The following CNTN5 variants were observed in gnomAD, a reference collection of about 807,000 sequenced individuals.
CNTN5 encodes contactin-5.
In CNTN5, 77 loss-of-function variants were observed where a neutral mutation model predicts 129.1. The observed-to-expected ratio is 0.60, with a 90% CI of 0.50 to 0.72. The LOEUF is 0.72. Among genes scored for constraint, CNTN5 ranks in the 30% least tolerant of loss-of-function variants. The probability of loss-of-function intolerance (pLI) is 0.00; values close to 1 mark genes in which losing one functional copy is unlikely to be tolerated. For synonymous variants in CNTN5, 509 were observed against 465.6 expected, an observed-to-expected ratio of 1.09 and a Z score of -1.20; for missense variants, 1,478 against 1,328.8, an observed-to-expected ratio of 1.11 and a Z score of -1.75.
intron 13 of CNTN5, among the ~76,000 whole-genome samples, chr11:100,188,619 A>G (rs1948377030): frequency 6.6e-6 from 1 of 152,180 alleles, no homozygotes; most frequent in Non-Finnish European, 1.5e-5. Context: ...GAGAAGAGGG[A>G]ATGTTTACAT....
intron 1 of CNTN5, among the ~76,000 whole-genome samples, chr11:99,085,599 C>T (rs77629554): frequency 0.046 from 6,943 of 152,052 alleles, 190 homozygotes; most frequent in South Asian, 0.07. Context: ...TCCAAAGACA[C>T]ATTAGCTTAA....
chr11:99,921,412 G>A (rs1411928434), intron 7 of CNTN5, among the ~76,000 whole-genome samples: 1 of 152,026 alleles, frequency 6.6e-6, no homozygotes, highest in Non-Finnish European at 1.5e-5. Context: ...GTATATCCCA[G>A]GTATATGAAT....
At chr11:99,807,924 A>G (rs1946321079) in intron 3 of CNTN5, among the ~76,000 whole-genome samples, 1 of 152,026 alleles carries the variant, frequency 6.6e-6, no homozygotes, top group Admixed American at 6.6e-5. Context: ...AATTCAGAGG[A>G]CTCTTCAGGT....
intron 13 of CNTN5, among the ~76,000 whole-genome samples, chr11:100,090,505 C>CCCTCCCTCCCTCCCTCCCTCCCTCCCTG (rs1555004301): frequency 2.7e-5 from 1 of 37,530 alleles, no homozygotes; most frequent in African/African-American, 1.4e-4. Flanking sequence ...CTCCTTTCCT[C>CCCTCCCTCCCTCCCTCCCTCCCTCCCTG]CCTCCCTCCC....
At chr11:99,439,722 A>AAG (rs1255958608) in intron 2 of CNTN5, among the ~76,000 whole-genome samples, 8 of 101,532 alleles carry the variant, frequency 7.9e-5, no homozygotes, top group East Asian at 2.9e-4. Flanking sequence ...AAAAAAAAAA[A>AAG]AAAGAAAAAG....
chr11:100,142,658 G>T (rs186165865), intron 13 of CNTN5, among the ~76,000 whole-genome samples: 1 of 152,072 alleles, frequency 6.6e-6, no homozygotes, highest in Non-Finnish European at 1.5e-5. Flanking sequence ...GGCATTTTTT[G>T]CTGTTGCTGT....
chr11:99,357,914 G>A (rs1938795882), intron 2 of CNTN5, among the ~76,000 whole-genome samples: 1 of 151,098 alleles, frequency 6.6e-6, no homozygotes, highest in African/African-American at 2.4e-5. Flanking sequence ...CGAGGCAGGA[G>A]AACTGCATGA....
Position 100,041,377 on chromosome 11 carries a change from A to C in CNTN5, c.981-19835A>C, listed in dbSNP as rs578180711. 5.3e-5 allele frequency among the ~76,000 whole-genome samples: 8 copies of C among 151,802 alleles called. No individual in the cohort carries two copies. The South Asian group carries it at 1.7e-3, about 32-fold the overall frequency. On this transcript the variant is annotated intron_variant, in intron 9 of 24. Coordinates refer to ENST00000524871, the MANE Select transcript of CNTN5 (RefSeq NM_014361.4). ...TCATTCTATGAATTCCACCTCTATC[A>C]CTCTCCCCATTGTCAACTCCAGGTC...
intron 2 of CNTN5, among the ~76,000 whole-genome samples, chr11:99,518,510 T>C (rs976376469): frequency 6.6e-6 from 1 of 152,090 alleles, no homozygotes; most frequent in Admixed American, 6.6e-5. Flanking sequence ...TGCATATCAC[T>C]GCAGTCACAA....
rs767708616 is a variant in CNTN5 at position 99,974,320 on chromosome 11, G to GA, written c.877+17311_877+17312insA. ...TTATTGCTCAGTTAACATCAGTTAA[G>GA]GGACAGGCACAAGGTCATAGTTGGT... is the stretch of plus-strand genomic sequence containing the variant. On this transcript the variant is annotated intron_variant, in intron 8 of 24. Coordinates refer to ENST00000524871, the MANE Select transcript of CNTN5 (RefSeq NM_014361.4). Among the ~76,000 whole-genome samples the GA allele has an allele frequency of 1.5e-3, 235 of 152,260 alleles. 1 individual carries two copies. Among genetic ancestry groups the GA allele is most frequent in the Non-Finnish European group, 2.6e-3 (178 of 68,010 alleles).
At chr11:99,207,016 T>C (rs558194740) in intron 1 of CNTN5, among the ~76,000 whole-genome samples, 42 of 152,068 alleles carry the variant, frequency 2.8e-4, no homozygotes, top group Non-Finnish European at 5.1e-4. Flanking sequence ...TTTATTAAAG[T>C]GGATAAAAAT....
intron 1 of CNTN5, among the ~76,000 whole-genome samples, chr11:99,088,402 G>A (rs567587643): frequency 6.6e-6 from 1 of 152,124 alleles, no homozygotes; most frequent in Non-Finnish European, 1.5e-5. Flanking sequence ...TCGGCCTTGA[G>A]ATCAAGGCCG....
chr11:99,967,023 C>T (rs532249197), intron 8 of CNTN5, among the ~76,000 whole-genome samples: 6 of 152,132 alleles, frequency 3.9e-5, no homozygotes, highest in Admixed American at 3.9e-4. Context: ...CCAGATGATA[C>T]ATAAGAGAAT....
chr11:99,645,009 G>A (rs2135856752), intron 3 of CNTN5, among the ~76,000 whole-genome samples: 1 of 151,660 alleles, frequency 6.6e-6, no homozygotes, highest in South Asian at 2.1e-4. Flanking sequence ...GCTTATGCCT[G>A]TAATCCCAGC....
At chr11:99,591,355 T>TTTTG (rs1949974061) in intron 3 of CNTN5, among the ~76,000 whole-genome samples, 2 of 149,488 alleles carry the variant, frequency 1.3e-5, no homozygotes, top group Non-Finnish European at 1.5e-5. Flanking sequence ...TTTTTTTTTT[T>TTTTG]GAGACAGAAT....
At chr11:99,300,067 G>A (rs1461074975) in intron 1 of CNTN5, among the ~76,000 whole-genome samples, 1 of 151,884 alleles carries the variant, frequency 6.6e-6, no homozygotes, top group African/African-American at 2.4e-5. Context: ...GTTATTTTTT[G>A]ACTTTTTAAT....
At chr11:99,452,973 C>T (rs141992077) in intron 2 of CNTN5, among the ~76,000 whole-genome samples, 5 of 152,170 alleles carry the variant, frequency 3.3e-5, no homozygotes, top group Middle Eastern at 3.4e-3. Flanking sequence ...TATCATATAA[C>T]GTTGCCAATG....
chr11:99,336,784 C>T (rs1326598450), intron 2 of CNTN5, among the ~76,000 whole-genome samples: 1 of 151,404 alleles, frequency 6.6e-6, no homozygotes, highest in African/African-American at 2.4e-5. Context: ...GCCTAGACCA[C>T]GCCATTGCAC....
intron 15 of CNTN5, among the ~76,000 whole-genome samples, chr11:100,215,060 T>A (rs1949110074): frequency 6.6e-6 from 1 of 152,210 alleles, no homozygotes; most frequent in Admixed American, 6.5e-5. Flanking sequence ...ATCCCCAGTG[T>A]GATTTTGTTA....
Sources: gnomAD v4.1 joint callset for allele counts (sites outside exome capture counted in the v4.1 genomes callset) on GRCh38, gnomAD v4.1.1 for gene constraint, MANE v1.5 for transcripts, NCBI Gene and HGNC (gene_info 2026-07-23, HGNC 2026-07-21) for gene names.